HS3ST5: variants seen among roughly 807,000 people sequenced by gnomAD.
HS3ST5 encodes the protein heparan sulfate-glucosamine 3-sulfotransferase 5, also known as heparan sulfate glucosamine 3-O-sulfotransferase 5.
Under a neutral mutation model 25.4 loss-of-function variants are expected in HS3ST5, and 10 were observed. That is an observed-to-expected ratio of 0.39 (90% confidence interval 0.24 to 0.67). HS3ST5 has a LOEUF of 0.67. HS3ST5 is among the 30% of genes least tolerant of loss of function. The probability of loss-of-function intolerance (pLI) is 0.44; values close to 1 mark genes in which losing one functional copy is unlikely to be tolerated. For synonymous variants in HS3ST5, 170 were observed against 162.4 expected (o/e 1.05, Z -0.36); for missense variants, 324 against 420.7 (o/e 0.77, Z 2.01).
Position 114,272,284 on chromosome 6 carries a change from T to C in HS3ST5, c.-338-43506A>G, listed in dbSNP as rs1463439641. On this transcript the variant is annotated intron_variant, in intron 1 of 4. Coordinates refer to ENST00000312719, the MANE Select transcript of HS3ST5 (RefSeq NM_153612.4). ...GTGTTCTCCCTTTGAGGAGTGTTCA[T>C]TTTATTCTAGTAGGCAGTTAATTAC... 2.6e-5 allele frequency among the ~76,000 whole-genome samples: 4 copies of C among 152,228 alleles called. No homozygotes were observed. The East Asian group carries it at 5.8e-4, about 22-fold the overall frequency.
chr6:114,279,887 C>G (rs183740373), intron 1 of HS3ST5, among the ~76,000 whole-genome samples: 1 of 151,990 alleles, frequency 6.6e-6, no homozygotes, highest in Non-Finnish European at 1.5e-5. Context: ...GTAGAAACAT[C>G]ATGGTGAATC....
At chr6:114,205,673 A>C (rs529344150) in intron 2 of HS3ST5, among the ~76,000 whole-genome samples, 5 of 152,286 alleles carry the variant, frequency 3.3e-5, no homozygotes, top group African/African-American at 1.2e-4. Context: ...CCTTTTTGGC[A>C]GCAGGGACCT....
intron 3 of HS3ST5, among the ~76,000 whole-genome samples, chr6:114,063,505 C>A (rs78867595): frequency 6.9e-6 from 1 of 144,624 alleles, no homozygotes. Context: ...ACAGAGAAGA[C>A]CTGTCTCAGA....
At chr6:114,272,155 T>C (rs1293218201) in intron 1 of HS3ST5, among the ~76,000 whole-genome samples, 1 of 152,138 alleles carries the variant, frequency 6.6e-6, no homozygotes, top group Non-Finnish European at 1.5e-5. Flanking sequence ...CTATTAACTC[T>C]TTTCCATTAT....
chr6:114,320,711 A>G (rs1420061396), intron 1 of HS3ST5, among the ~76,000 whole-genome samples: 1 of 151,984 alleles, frequency 6.6e-6, no homozygotes, highest in Non-Finnish European at 1.5e-5. Context: ...CCTTAACCAA[A>G]CAGCTTTATT....
intron 3 of HS3ST5, among the ~76,000 whole-genome samples, chr6:114,153,508 A>G (rs1316446027): frequency 6.6e-6 from 1 of 152,092 alleles, no homozygotes; most frequent in Non-Finnish European, 1.5e-5. Flanking sequence ...TCATCTTCGT[A>G]TTCATTTTCT....
intron 1 of HS3ST5, among the ~76,000 whole-genome samples, chr6:114,312,827 C>T (rs1775586193): frequency 6.6e-6 from 1 of 151,714 alleles, no homozygotes; most frequent in African/African-American, 2.4e-5. Flanking sequence ...GCCAGGAGAT[C>T]AAGACCAGCC....
chr6:114,146,477 G>C (rs1047772921), intron 3 of HS3ST5, among the ~76,000 whole-genome samples: 1 of 152,210 alleles, frequency 6.6e-6, no homozygotes. Flanking sequence ...GAGAATATGG[G>C]CAAGGAAGAA....
chr6:114,293,949 C>T (rs1049352118), intron 1 of HS3ST5, among the ~76,000 whole-genome samples: 1 of 152,162 alleles, frequency 6.6e-6, no homozygotes, highest in African/African-American at 2.4e-5. Flanking sequence ...AGAAACCAAA[C>T]TGTGGTACTT....
intron 3 of HS3ST5, among the ~76,000 whole-genome samples, chr6:114,139,471 G>A (rs775939928): frequency 3.9e-5 from 6 of 151,972 alleles, no homozygotes; most frequent in Non-Finnish European, 7.4e-5. Context: ...AGCATGAGTA[G>A]ACCCATTTAT....
rs1025382706 is a variant in HS3ST5 at position 114,241,339 on chromosome 6, C to T, written c.-338-12561G>A. Among the ~76,000 whole-genome samples, 10 of 152,016 alleles carry T rather than the reference C, an allele frequency of 6.6e-5. No individual in the cohort carries two copies. The South Asian group carries it at 1.7e-3, about 25-fold the overall frequency. On this transcript the variant is annotated intron_variant, in intron 1 of 4. Coordinates refer to ENST00000312719, the MANE Select transcript of HS3ST5 (RefSeq NM_153612.4). ...TAATCAGGTTAAGAACAGATTAATA[C>T]GGTTAATGTTTCCTTTTTTTCTCAC...
chr6:114,070,142 C>T (rs1773726748), intron 3 of HS3ST5, among the ~76,000 whole-genome samples: 1 of 152,124 alleles, frequency 6.6e-6, no homozygotes, highest in African/African-American at 2.4e-5. Flanking sequence ...CTATCACTCT[C>T]ATGCCTTTGT....
At chr6:114,186,648 A>G (rs1780230730) in intron 2 of HS3ST5, among the ~76,000 whole-genome samples, 2 of 152,238 alleles carry the variant, frequency 1.3e-5, no homozygotes, top group African/African-American at 4.8e-5. Context: ...CAAATTATCC[A>G]GAAGACCTAG....
chr6:114,196,914 T>G (rs1443110129), intron 2 of HS3ST5, among the ~76,000 whole-genome samples: 3 of 152,144 alleles, frequency 2.0e-5, no homozygotes, highest in African/African-American at 4.8e-5. Context: ...GAGCAATGAT[T>G]GAGGAAAGAA....
intron 3 of HS3ST5, among the ~76,000 whole-genome samples, chr6:114,127,002 T>C (rs1432431865): frequency 1.3e-5 from 2 of 152,202 alleles, no homozygotes; most frequent in Non-Finnish European, 2.9e-5. Context: ...GATAATGATA[T>C]ATAAGAGGTC....
At chr6:114,060,675 G>A (rs1773057503) in intron 4 of HS3ST5, among the ~76,000 whole-genome samples, 1 of 152,166 alleles carries the variant, frequency 6.6e-6, no homozygotes, top group Non-Finnish European at 1.5e-5. Context: ...CCCTGGCTGA[G>A]AGTGGCTGAT....
At chr6:114,256,078 T>C (rs1772894835) in intron 1 of HS3ST5, among the ~76,000 whole-genome samples, 1 of 152,172 alleles carries the variant, frequency 6.6e-6, no homozygotes, top group Admixed American at 6.5e-5. Context: ...GAATGCTTTT[T>C]ATAATGTCTT....
At chr6:114,282,587 T>C (rs1044740587) in intron 1 of HS3ST5, among the ~76,000 whole-genome samples, 1 of 152,020 alleles carries the variant, frequency 6.6e-6, no homozygotes. Context: ...CTTCCTGTGG[T>C]TTGAAAGTTT....
chr6:114,158,483 G>C (rs1322564949), intron 3 of HS3ST5, among the ~76,000 whole-genome samples: 1 of 152,114 alleles, frequency 6.6e-6, no homozygotes, highest in Non-Finnish European at 1.5e-5. Context: ...AGTGCTTCAT[G>C]TGTGTTATGT....
Sources: gnomAD v4.1 joint callset for allele counts (sites outside exome capture counted in the v4.1 genomes callset) on GRCh38, gnomAD v4.1.1 for gene constraint, MANE v1.5 for transcripts, NCBI Gene and HGNC (gene_info 2026-07-23, HGNC 2026-07-21) for gene names.